The following RFX3 variants were observed in gnomAD, a reference collection of about 807,000 sequenced individuals.
RFX3 encodes the protein transcription factor RFX3.
In RFX3, 14 loss-of-function variants were observed where a neutral mutation model predicts 98.6. That is an observed-to-expected ratio of 0.14 (90% CI 0.09 to 0.22). The LOEUF (loss-of-function observed/expected upper bound fraction) is 0.22. Among genes scored for constraint, RFX3 ranks in the 10% least tolerant of loss-of-function variants. The pLI, the probability that RFX3 is intolerant of heterozygous loss-of-function variation, is 1.00. For synonymous variants in RFX3, 383 were observed against 328.4 expected (o/e 1.17, Z -1.80); for missense variants, 639 against 926.9 (o/e 0.69, Z 4.03).
chr9:3,351,445 T>C (rs543307831), intron 2 of RFX3, among the ~76,000 whole-genome samples: 2 of 152,034 alleles, frequency 1.3e-5, no homozygotes, highest in Admixed American at 1.3e-4. Context: ...AAGAGCCAGA[T>C]GCCATAAGAG....
At chr9:3,368,660 G>T (rs934701088) in intron 2 of RFX3, among the ~76,000 whole-genome samples, 2 of 152,150 alleles carry the variant, frequency 1.3e-5, no homozygotes, top group African/African-American at 4.8e-5. Context: ...TTACCAAAGT[G>T]TCCCTGCACA....
At chr9:3,280,721 C>A (rs1203530962) in intron 7 of RFX3, among the ~76,000 whole-genome samples, 1 of 151,518 alleles carries the variant, frequency 6.6e-6, no homozygotes, top group Non-Finnish European at 1.5e-5. Context: ...AATTCAGGTG[C>A]CTAGGCTCAC....
At chr9:3,361,639 T>G (rs1587312640) in intron 2 of RFX3, among the ~76,000 whole-genome samples, 2 of 110,638 alleles carry the variant, frequency 1.8e-5, no homozygotes, top group South Asian at 2.7e-4. Flanking sequence ...CTGAGAAACA[T>G]AGTGAGACCT....
intron 2 of RFX3, among the ~76,000 whole-genome samples, chr9:3,370,522 G>T (rs1475268105): frequency 6.6e-6 from 1 of 151,594 alleles, no homozygotes; most frequent in African/African-American, 2.4e-5. Context: ...CTGTGAATCA[G>T]AACAGTGTTT....
In RFX3 at chr9:3,436,618, G is replaced by C. The variant is rs150820511; in HGVS notation, c.-8-41022C>G. ...AAATTATTCAAAATACTACATGCCA[G>C]TTGGCTGGCCCTAAGTACATTTTTA... On this transcript the variant is annotated intron_variant, in intron 1 of 16. Coordinates refer to ENST00000617270, the MANE Select transcript of RFX3 (RefSeq NM_001282116.2). 1.3e-3 allele frequency among the ~76,000 whole-genome samples: 195 copies of C among 152,214 alleles called. 3 individuals are homozygous for C. In the Middle Eastern group the frequency reaches 0.014, roughly 11 times the overall value.
At chr9:3,267,038 C>T (rs796459860) in intron 11 of RFX3, among the ~76,000 whole-genome samples, 1 of 151,954 alleles carries the variant, frequency 6.6e-6, no homozygotes, top group African/African-American at 2.4e-5. Flanking sequence ...TTACGGTGGT[C>T]ATAAAATAAT....
chr9:3,296,068 G>C (rs552706248), intron 5 of RFX3, among the ~76,000 whole-genome samples: 453 of 151,898 alleles, frequency 3.0e-3, no homozygotes, highest in African/African-American at 0.01. Flanking sequence ...GAATTATCTT[G>C]TAGATTAAAA....
At chr9:3,372,896 T>C (rs1838022442) in intron 2 of RFX3, among the ~76,000 whole-genome samples, 1 of 152,148 alleles carries the variant, frequency 6.6e-6, no homozygotes, top group Admixed American at 6.6e-5. Flanking sequence ...TCACCTCGTA[T>C]CTTATGTACT....
chr9:3,449,020 C>G (rs142453064), intron 1 of RFX3, among the ~76,000 whole-genome samples: 1,573 of 152,228 alleles, frequency 0.01, 30 homozygotes, highest in African/African-American at 0.036. Flanking sequence ...AATTAAAAAT[C>G]AGGCCCTTTG....
At chr9:3,411,137 A>T (rs778035299) in intron 1 of RFX3, among the ~76,000 whole-genome samples, 3 of 152,304 alleles carry the variant, frequency 2.0e-5, no homozygotes, top group Non-Finnish European at 2.9e-5. Flanking sequence ...TCACAAACCA[A>T]ATTTATAAGG....
At chr9:3,247,098 T>C (rs1478849711) in intron 15 of RFX3, 1 of 985,176 alleles carries the variant, frequency 1.0e-6, no homozygotes, top group Non-Finnish European at 1.2e-6. Context: ...TGAACATGTC[T>C]TTTTTACCGC....
intron 1 of RFX3, among the ~76,000 whole-genome samples, chr9:3,505,212 G>A (rs1278901961): frequency 5.1e-4 from 26 of 50,936 alleles, no homozygotes; most frequent in East Asian, 2.9e-3. Flanking sequence ...ATATATATAT[G>A]AATATATATT....
intron 1 of RFX3, among the ~76,000 whole-genome samples, chr9:3,505,099 A>G (rs1384802314): frequency 1.0e-5 from 1 of 96,658 alleles, no homozygotes; most frequent in Admixed American, 1.6e-4. Flanking sequence ...TTATATATTT[A>G]GATTTATTTT....
chr9:3,516,385 C>G (rs1393952555), intron 1 of RFX3, among the ~76,000 whole-genome samples: 3 of 152,262 alleles, frequency 2.0e-5, no homozygotes, highest in East Asian at 3.9e-4. Context: ...AAAATGTATA[C>G]TTCTTAAACA....
intron 1 of RFX3, among the ~76,000 whole-genome samples, chr9:3,430,877 T>G (rs1844595852): frequency 6.6e-6 from 1 of 152,148 alleles, no homozygotes; most frequent in Non-Finnish European, 1.5e-5. Flanking sequence ...ATAAAATATA[T>G]GTAGGTACTA....
chr9:3,518,496 T>C (rs1818396431), intron 1 of RFX3, among the ~76,000 whole-genome samples: 1 of 152,080 alleles, frequency 6.6e-6, no homozygotes, highest in Non-Finnish European at 1.5e-5. Context: ...CAATATACAA[T>C]GCTTTGGCAA....
chr9:3,222,065 A>C lies in RFX3; in HGVS notation c.*2977T>G, dbSNP rs1817366363. The stretch of plus-strand genomic sequence containing the variant: ...AGGGAAAAAGGGAAATAAATGCAAT[A>C]AATGTGATTGCTCAATTTGCTCAAA... On this transcript the variant is annotated 3_prime_UTR_variant, in exon 17 of 17. Transcript: ENST00000617270. 1 of 151,546 alleles carries C rather than the reference A, an allele frequency of 6.6e-6. No individual in the cohort carries two copies. Among genetic ancestry groups the C allele is most frequent in the African/African-American group, 2.4e-5 (1 of 41,468 alleles). The allele number at this position is 151,546 out of a possible 1,614,324, so 9.4% of individuals were successfully genotyped here.
intron 1 of RFX3, among the ~76,000 whole-genome samples, chr9:3,502,620 A>G (rs1816151221): frequency 6.6e-6 from 1 of 152,228 alleles, no homozygotes; most frequent in Non-Finnish European, 1.5e-5. Flanking sequence ...CCAACTCTAA[A>G]TCTAACATCA....
At position 3,220,272 on chromosome 9, in the gene RFX3, A is replaced by C. The variant is rs2130476881; in HGVS notation, c.*4770T>G. On this transcript the variant is annotated 3_prime_UTR_variant, in exon 17 of 17. Transcript: ENST00000617270. ...AATCCACTCGAACTCCTTTCTTCCT[A>C]AGGCTTTACTTACACTTGTACTTTC... The C allele has an allele frequency of 6.6e-6, 1 of 152,190 alleles. No individual in the cohort carries two copies. Among genetic ancestry groups the C allele is most frequent in the East Asian group, 1.9e-4 (1 of 5,174 alleles). 9.4% of individuals were successfully genotyped at this position (152,190 alleles called of 1,614,324 possible).
Sources: allele counts gnomAD v4.1 joint callset (sites outside exome capture counted in the v4.1 genomes callset), GRCh38; gene constraint gnomAD v4.1.1; transcripts MANE v1.5; gene names NCBI Gene and HGNC (gene_info 2026-07-23, HGNC 2026-07-21).